The following PPARGC1A variants were observed in gnomAD, a reference collection of about 807,000 sequenced individuals.
PPARGC1A encodes the protein peroxisome proliferator-activated receptor gamma coactivator 1-alpha.
A neutral mutation model predicts 88.7 loss-of-function variants in PPARGC1A; 25 were observed. That is an observed-to-expected ratio of 0.28 (90% CI 0.21 to 0.39). The LOEUF (loss-of-function observed/expected upper bound fraction) is 0.39, where lower values mean the gene tolerates loss of function less well. Ranked by LOEUF, PPARGC1A falls within the 10% of genes least tolerant of loss-of-function variation. PPARGC1A has a pLI of 1.00. For synonymous variants in PPARGC1A, 363 were observed against 355.6 expected (o/e 1.02, Z -0.24); for missense variants, 880 against 968.7 (o/e 0.91, Z 1.22).
In PPARGC1A at chr4:23,812,917, C is replaced by T. The variant is rs200419241; in HGVS notation, c.1899-50G>A. On this transcript the variant is annotated intron_variant, in intron 9 of 12. Transcript: ENST00000264867. ...AGTCAACCACCTCAATTTTCATGAGCAAAATGAATAATAATATGGGGAGGG... is the reference window on the plus strand; with the variant it reads ...AGTCAACCACCTCAATTTTCATGAGTAAAATGAATAATAATATGGGGAGGG... 3.1e-3 allele frequency: 5,048 copies of T among 1,613,406 alleles called. 77 individuals carry two copies. Among genetic ancestry groups the T allele is most frequent in the Non-Finnish European group, 2.1e-3 (2,457 of 1,179,514 alleles).
the PPARGC1A span, among the ~76,000 whole-genome samples, chr4:24,464,323 TAA>T: frequency 6.6e-6 from 1 of 152,266 alleles, no homozygotes; most frequent in Non-Finnish European, 1.5e-5. Context: ...GTTCTCATCC[TAA>T]GAGATGATAA....
chr4:24,074,940 T>C, the PPARGC1A span, among the ~76,000 whole-genome samples: 2 of 152,170 alleles, frequency 1.3e-5, no homozygotes, highest in Non-Finnish European at 2.9e-5. Context: ...AGATCCTCTT[T>C]GTGCCCCCCA....
At chr4:24,240,513 C>A in the PPARGC1A span, among the ~76,000 whole-genome samples, 1 of 152,210 alleles carries the variant, frequency 6.6e-6, no homozygotes, top group Non-Finnish European at 1.5e-5. Flanking sequence ...AGTATTTTTA[C>A]ACAATCATAA....
the PPARGC1A span, among the ~76,000 whole-genome samples, chr4:23,982,947 T>G: frequency 6.6e-6 from 1 of 152,144 alleles, no homozygotes; most frequent in Non-Finnish European, 1.5e-5. Flanking sequence ...AAATAAAGTT[T>G]TATTGGGACA....
At chr4:23,882,847 A>T (rs958425651) in intron 2 of PPARGC1A, 5 of 152,130 alleles carry the variant, frequency 3.3e-5, no homozygotes, top group African/African-American at 1.2e-4. Context: ...ACAACACAAA[A>T]TATAGGGACA....
the PPARGC1A span, among the ~76,000 whole-genome samples, chr4:24,366,622 G>T: frequency 2.6e-5 from 4 of 152,050 alleles, no homozygotes; most frequent in Admixed American, 1.3e-4. Flanking sequence ...TGTTTGGGAC[G>T]TTCCAAAGTC....
At chr4:24,386,730 G>A in the PPARGC1A span, among the ~76,000 whole-genome samples, 1 of 152,056 alleles carries the variant, frequency 6.6e-6, no homozygotes, top group Non-Finnish European at 1.5e-5. Context: ...CACTGCTCAA[G>A]GAAATAAGAG....
the PPARGC1A span, among the ~76,000 whole-genome samples, chr4:23,927,927 C>T: frequency 1.3e-5 from 2 of 152,056 alleles, no homozygotes; most frequent in African/African-American, 2.4e-5. Context: ...ATCCTAGGAC[C>T]CTGCTGTGTC....
chr4:24,367,427 G>A, the PPARGC1A span, among the ~76,000 whole-genome samples: 7 of 152,138 alleles, frequency 4.6e-5, no homozygotes, highest in Non-Finnish European at 7.4e-5. Flanking sequence ...AAAAGCTTAA[G>A]TATAACGGGC....
the PPARGC1A span, among the ~76,000 whole-genome samples, chr4:24,190,983 C>T: frequency 2.1e-3 from 322 of 152,314 alleles, 2 homozygotes; most frequent in African/African-American, 7.3e-3. Context: ...AATAGGGCAG[C>T]TCAGTTGTTC....
the PPARGC1A span, among the ~76,000 whole-genome samples, chr4:24,380,119 T>A: frequency 3.3e-5 from 5 of 152,150 alleles, no homozygotes; most frequent in South Asian, 2.1e-4. Context: ...GTTTTTTTTT[T>A]AATCATGGGA....
chr4:24,234,989 G>C, the PPARGC1A span, among the ~76,000 whole-genome samples: 1 of 152,124 alleles, frequency 6.6e-6, no homozygotes, highest in South Asian at 2.1e-4. Flanking sequence ...CAAATTTTTG[G>C]CTCTTGGCAC....
the PPARGC1A span, among the ~76,000 whole-genome samples, chr4:24,406,553 G>A: frequency 2.0e-5 from 3 of 152,194 alleles, no homozygotes; most frequent in African/African-American, 7.2e-5. Context: ...TGCTAGAAAT[G>A]CCAAGAAATT....
chr4:24,262,032 C>T, the PPARGC1A span, among the ~76,000 whole-genome samples: 2 of 152,130 alleles, frequency 1.3e-5, no homozygotes, highest in African/African-American at 4.8e-5. Context: ...ATCTCTGGGG[C>T]AAGCAGTTTA....
chr4:24,035,373 C>G, the PPARGC1A span, among the ~76,000 whole-genome samples: 1 of 151,784 alleles, frequency 6.6e-6, no homozygotes, highest in African/African-American at 2.4e-5. Context: ...AACCCCGTCT[C>G]TACTAAAAAT....
At chr4:23,802,676 C>CAA (rs397823520) in intron 10 of PPARGC1A, among the ~76,000 whole-genome samples, 2,279 of 25,208 alleles carry the variant, frequency 0.09, 131 homozygotes, top group Non-Finnish European at 0.14. Flanking sequence ...GACTCCATCT[C>CAA]AAAAAAAAAA....
At chr4:24,033,264 A>G in the PPARGC1A span, among the ~76,000 whole-genome samples, 1 of 152,218 alleles carries the variant, frequency 6.6e-6, no homozygotes, top group African/African-American at 2.4e-5. Context: ...TCCCTCAAAG[A>G]GTTGAGGTAA....
the PPARGC1A span, among the ~76,000 whole-genome samples, chr4:24,000,888 CAACA>C: frequency 6.6e-6 from 1 of 152,106 alleles, no homozygotes; most frequent in Non-Finnish European, 1.5e-5. Flanking sequence ...CACACAATGC[CAACA>C]ACCAGCAGTG....
chr4:23,904,911 T>C (rs538666207), upstream of PPARGC1A, among the ~76,000 whole-genome samples: 50 of 152,342 alleles, frequency 3.3e-4, no homozygotes, highest in African/African-American at 1.2e-3. Flanking sequence ...CCGCTGGCTC[T>C]TAAAGCATTC....
Sources: gnomAD v4.1 joint callset for allele counts (sites outside exome capture counted in the v4.1 genomes callset) on GRCh38, gnomAD v4.1.1 for gene constraint, MANE v1.5 for transcripts, NCBI Gene and HGNC (gene_info 2026-07-23, HGNC 2026-07-21) for gene names.